PACRG: variants seen among roughly 807,000 people sequenced by gnomAD.
The protein encoded by PACRG is parkin coregulated gene protein.
PACRG carries 29 observed loss-of-function variants against 29.7 expected under a neutral mutation model. The ratio of observed to expected loss-of-function variants is 0.98; its 90% CI spans 0.73 to 1.33. The LOEUF is 1.33. Among genes scored for constraint, PACRG ranks in the 40% most tolerant of loss-of-function variants. The pLI, the probability that PACRG is intolerant of heterozygous loss-of-function variation, is 0.00. For missense variants in PACRG, 279 were observed against 316.2 expected, an observed-to-expected ratio of 0.88 and a Z score of 0.89; for synonymous variants, 116 against 118.7, an observed-to-expected ratio of 0.98 and a Z score of 0.15.
chr6:162,946,522 C>T (rs191367033), intron 2 of PACRG, among the ~76,000 whole-genome samples: 1 of 152,098 alleles, frequency 6.6e-6, no homozygotes, highest in East Asian at 1.9e-4. Context: ...AAGCAAAGTT[C>T]TGCACCTGAG....
chr6:162,897,467 C>G (rs1795255058), intron 2 of PACRG, among the ~76,000 whole-genome samples: 1 of 152,162 alleles, frequency 6.6e-6, no homozygotes, highest in Non-Finnish European at 1.5e-5. Flanking sequence ...TGAGGTAATG[C>G]GATCCCAGCT....
chr6:163,222,405 C>T (rs1192559802), intron 4 of PACRG, among the ~76,000 whole-genome samples: 2 of 152,096 alleles, frequency 1.3e-5, no homozygotes, highest in Non-Finnish European at 2.9e-5. Context: ...CATGGTGAAA[C>T]CCCATCTCTA....
At chr6:162,846,690 G>C (rs1180983851) in intron 2 of PACRG, among the ~76,000 whole-genome samples, 1 of 152,332 alleles carries the variant, frequency 6.6e-6, no homozygotes, top group South Asian at 2.1e-4. Flanking sequence ...AGGACAGAAG[G>C]CACCACCATA....
At chr6:162,881,717 T>C (rs1348951454) in intron 2 of PACRG, among the ~76,000 whole-genome samples, 91 of 119,580 alleles carry the variant, frequency 7.6e-4, no homozygotes, top group Middle Eastern at 0.013. Flanking sequence ...GGTGGGGGGG[T>C]GCACTCTCCA....
intron 2 of PACRG, among the ~76,000 whole-genome samples, chr6:162,871,247 G>A (rs920246744): frequency 2.0e-5 from 3 of 152,062 alleles, no homozygotes; most frequent in Non-Finnish European, 2.9e-5. Context: ...TGATAAATAG[G>A]TGATGTTTAT....
intron 2 of PACRG, among the ~76,000 whole-genome samples, chr6:163,046,153 C>T (rs1011664552): frequency 3.3e-5 from 5 of 151,348 alleles, no homozygotes; most frequent in Admixed American, 6.6e-5. Flanking sequence ...TGTATCTTGA[C>T]TATGCTGTGC....
At chr6:162,918,894 T>C (rs1331869193) in intron 2 of PACRG, among the ~76,000 whole-genome samples, 1 of 152,190 alleles carries the variant, frequency 6.6e-6, no homozygotes, top group East Asian at 1.9e-4. Flanking sequence ...GATGTAATAA[T>C]TAATAGTTAT....
intron 4 of PACRG, among the ~76,000 whole-genome samples, chr6:163,137,588 A>G (rs1816985303): frequency 6.6e-6 from 1 of 152,072 alleles, no homozygotes; most frequent in Admixed American, 6.5e-5. Context: ...TCTCGAGAAC[A>G]CCGTCAGTAC....
chr6:162,967,250 G>GA (rs11319991), intron 2 of PACRG, among the ~76,000 whole-genome samples: 78,919 of 150,060 alleles, frequency 0.53, 21,420 homozygotes, highest in Middle Eastern at 0.7. Flanking sequence ...TACTAAAACT[G>GA]AAAAAAAAAA....
At chr6:163,109,005 A>G (rs1233518920) in intron 4 of PACRG, among the ~76,000 whole-genome samples, 1 of 152,222 alleles carries the variant, frequency 6.6e-6, no homozygotes, top group Non-Finnish European at 1.5e-5. Flanking sequence ...AAAGCAAAGT[A>G]TCACCTTGGC....
chr6:163,062,350 C>A, intron 3 of PACRG, 29 bp downstream of exon 3: 2 of 1,596,636 alleles, frequency 1.3e-6, no homozygotes, highest in Non-Finnish European at 8.5e-7. Flanking sequence ...AAGCATCACT[C>A]AGTTTATACG....
At chr6:163,140,616 A>C (rs1817115526) in intron 4 of PACRG, among the ~76,000 whole-genome samples, 1 of 152,190 alleles carries the variant, frequency 6.6e-6, no homozygotes, top group African/African-American at 2.4e-5. Context: ...TTCTAAAATA[A>C]GTCTGCAAAT....
chr6:163,243,080 A>G (rs1782560464), intron 4 of PACRG, among the ~76,000 whole-genome samples: 1 of 152,262 alleles, frequency 6.6e-6, no homozygotes, highest in Non-Finnish European at 1.5e-5. Context: ...TGGGGAGACC[A>G]ACCATGACCC....
intron 2 of PACRG, among the ~76,000 whole-genome samples, chr6:162,953,621 C>T (rs1304408754): frequency 6.6e-6 from 1 of 151,680 alleles, no homozygotes; most frequent in African/African-American, 2.4e-5. Flanking sequence ...GAGATTTTTC[C>T]TTGGAACTGT....
chr6:163,230,772 G>GGAAGAACGCAGGATGGGGTGTAA (rs11275937), intron 4 of PACRG, among the ~76,000 whole-genome samples: 1 of 151,868 alleles, frequency 6.6e-6, no homozygotes, highest in South Asian at 2.1e-4. Context: ...ACTGCTGTAG[G>GGAAGAACGCAGGATGGGGTGTAA]TGCAGAGTTA....
At chr6:162,910,737 G>C (rs955398173) in intron 2 of PACRG, among the ~76,000 whole-genome samples, 4 of 152,200 alleles carry the variant, frequency 2.6e-5, no homozygotes, top group Non-Finnish European at 4.4e-5. Context: ...TTGTGTGTCA[G>C]ATTACCTAAA....
At position 162,765,761 on chromosome 6, in the gene PACRG, T is replaced by C. The variant is rs554626568; in HGVS notation, c.156+37370T>C. Among the ~76,000 whole-genome samples, 11 of 152,280 alleles carry C rather than the reference T, an allele frequency of 7.2e-5. No individual in the cohort carries two copies. The East Asian group carries it at 1.4e-3, about 19-fold the overall frequency. The stretch of plus-strand genomic sequence containing the variant: ...AACTATTTAATATTTTATACAGTGA[T>C]TGGATTCTTTAAATGCTAATTTTGT... On this transcript the variant is annotated intron_variant, in intron 1 of 4. Coordinates refer to ENST00000366888, the MANE Select transcript of PACRG (RefSeq NM_001080379.2).
intron 1 of PACRG, among the ~76,000 whole-genome samples, chr6:162,791,271 T>C (rs567411262): frequency 1.2e-3 from 188 of 151,272 alleles, no homozygotes; most frequent in Non-Finnish European, 2.2e-3. Context: ...TGGGTATATT[T>C]GCTCTCTTTT....
At chr6:162,770,244 A>G (rs1289125174) in intron 1 of PACRG, among the ~76,000 whole-genome samples, 3 of 152,158 alleles carry the variant, frequency 2.0e-5, no homozygotes, top group Admixed American at 2.0e-4. Flanking sequence ...AGATAATTCT[A>G]TTTCAATTGA....
Sources: allele counts gnomAD v4.1 joint callset (sites outside exome capture counted in the v4.1 genomes callset), GRCh38; gene constraint gnomAD v4.1.1; transcripts MANE v1.5; gene names NCBI Gene and HGNC (gene_info 2026-07-23, HGNC 2026-07-21).